Variants in ATP9B observed in about 807,000 individuals in gnomAD.
ATP9B encodes the protein probable phospholipid-transporting ATPase IIB.
Under a neutral mutation model 146.1 loss-of-function variants are expected in ATP9B, and 110 were observed. The ratio of observed to expected loss-of-function variants is 0.75; its 90% confidence interval spans 0.65 to 0.88. The LOEUF is 0.88. Ranked by LOEUF, ATP9B falls within the 40% of genes least tolerant of loss-of-function variation. The probability of loss-of-function intolerance (pLI) is 0.00; values close to 1 mark genes in which losing one functional copy is unlikely to be tolerated. For missense variants in ATP9B, 1,499 were observed against 1,496.4 expected (o/e 1.00, Z -0.03); for synonymous variants, 604 against 569.7 (o/e 1.06, Z -0.86).
chr18:79,292,332 T>C (rs1177684812), intron 13 of ATP9B, among the ~76,000 whole-genome samples: 1 of 152,136 alleles, frequency 6.6e-6, no homozygotes, highest in Non-Finnish European at 1.5e-5. Context: ...AGCCCTCTAT[T>C]AATTAAAGGG....
intron 1 of ATP9B, chr18:79,087,352 A>G (rs2073933121): frequency 6.6e-6 from 1 of 152,176 alleles, no homozygotes; most frequent in Admixed American, 6.5e-5. Context: ...CCGTAGCACC[A>G]TTTGTCTCCT....
intron 23 of ATP9B, among the ~76,000 whole-genome samples, chr18:79,346,690 A>G (rs1311556956): frequency 6.7e-6 from 1 of 149,982 alleles, no homozygotes; most frequent in African/African-American, 2.5e-5. Flanking sequence ...CTCGGCACAC[A>G]CTCGGTCAGC....
chr18:79,162,912 C>T (rs997396327), intron 7 of ATP9B, among the ~76,000 whole-genome samples: 7 of 152,188 alleles, frequency 4.6e-5, no homozygotes, highest in Non-Finnish European at 1.0e-4. Flanking sequence ...CTTCAGCACA[C>T]TTGATGCACC....
chr18:79,228,972 A>G (rs2095762937), intron 11 of ATP9B, among the ~76,000 whole-genome samples: 1 of 152,186 alleles, frequency 6.6e-6, no homozygotes, highest in Non-Finnish European at 1.5e-5. Context: ...TTGAGGCTGC[A>G]GTGAGCTGAG....
chr18:79,266,843 CATT>C (rs775326073), intron 12 of ATP9B, among the ~76,000 whole-genome samples: 26 of 152,074 alleles, frequency 1.7e-4, no homozygotes, highest in South Asian at 4.2e-4. Context: ...TATTAGATTC[CATT>C]TACTTGTATT....
chr18:79,200,795 GTT>G (rs1224897997), intron 9 of ATP9B, among the ~76,000 whole-genome samples: 4 of 478 alleles, frequency 8.4e-3, no homozygotes, highest in Admixed American at 0.028. Context: ...TGGTGGAATT[GTT>G]TTCATCAGAA....
chr18:79,344,977 G>A (rs1222854350), intron 21 of ATP9B, among the ~76,000 whole-genome samples: 2 of 152,196 alleles, frequency 1.3e-5, no homozygotes, highest in Non-Finnish European at 2.9e-5. Flanking sequence ...TTTTGCACAG[G>A]CTCCTGGGCT....
intron 10 of ATP9B, among the ~76,000 whole-genome samples, chr18:79,210,906 T>C (rs1249147609): frequency 6.6e-6 from 1 of 152,240 alleles, no homozygotes; most frequent in African/African-American, 2.4e-5. Context: ...ACATATTTAC[T>C]TTTAGTAAGC....
intron 19 of ATP9B, among the ~76,000 whole-genome samples, chr18:79,338,812 C>CCT (rs2096841243): frequency 6.6e-6 from 1 of 152,176 alleles, no homozygotes; most frequent in South Asian, 2.1e-4. Context: ...GCCTCAAGGA[C>CCT]CTGGGACTCA....
intron 17 of ATP9B, among the ~76,000 whole-genome samples, chr18:79,331,221 C>T (rs1344907090): frequency 2.0e-5 from 3 of 152,240 alleles, no homozygotes; most frequent in Non-Finnish European, 1.5e-5. Flanking sequence ...ATGGTCTGTC[C>T]GTGCAGCCTC....
At chr18:79,155,122 A>G (rs1337151012) in intron 7 of ATP9B, among the ~76,000 whole-genome samples, 1 of 152,230 alleles carries the variant, frequency 6.6e-6, no homozygotes, top group African/African-American at 2.4e-5. Flanking sequence ...TATTATTAAT[A>G]TGTACCAGGC....
Position 79,083,962 on chromosome 18 carries a change from G to A in ATP9B, c.120-12514G>A, listed in dbSNP as rs114777855. Reference sequence around the variant, plus strand: ...ACTGCAGCCTCTCCTGGCTTCAAGCGACTCCCCTACCTTAGCCTCCCAAGT... The same window carrying A: ...ACTGCAGCCTCTCCTGGCTTCAAGCAACTCCCCTACCTTAGCCTCCCAAGT... On this transcript the variant is annotated intron_variant, in intron 1 of 29. Transcript: ENST00000426216. Among the ~76,000 whole-genome samples, 1,325 of 150,772 alleles carry A rather than the reference G, an allele frequency of 8.8e-3. 25 individuals carry two copies. The highest frequency in any genetic ancestry group is 0.03 in the African/African-American group (1,247 of 41,024).
chr18:79,195,900 A>C (rs2095413520), intron 9 of ATP9B, among the ~76,000 whole-genome samples: 1 of 152,238 alleles, frequency 6.6e-6, no homozygotes, highest in African/African-American at 2.4e-5. Flanking sequence ...AAACAAAATC[A>C]TGAAATGGTT....
intron 6 of ATP9B, among the ~76,000 whole-genome samples, chr18:79,154,180 C>G (rs1249778964): frequency 2.0e-5 from 3 of 151,394 alleles, no homozygotes; most frequent in Non-Finnish European, 4.4e-5. Flanking sequence ...CCAGAATGGT[C>G]TCGATCTCAT....
At chr18:79,202,890 C>G (rs976503754) in intron 9 of ATP9B, among the ~76,000 whole-genome samples, 2 of 152,096 alleles carry the variant, frequency 1.3e-5, no homozygotes, top group Non-Finnish European at 2.9e-5. Flanking sequence ...TATATAGAAC[C>G]TTTTGTTTAC....
intron 7 of ATP9B, among the ~76,000 whole-genome samples, chr18:79,167,469 G>C (rs901449234): frequency 6.6e-6 from 1 of 152,202 alleles, no homozygotes; most frequent in Non-Finnish European, 1.5e-5. Context: ...TCTGTTGAGT[G>C]TGCAGCCCTC....
At chr18:79,288,678 G>C (rs2096469197) in intron 13 of ATP9B, among the ~76,000 whole-genome samples, 1 of 152,154 alleles carries the variant, frequency 6.6e-6, no homozygotes, top group African/African-American at 2.4e-5. Flanking sequence ...TGGTTATTTT[G>C]CTCGTTAGTT....
At chr18:79,221,034 A>G (rs879462180) in intron 11 of ATP9B, among the ~76,000 whole-genome samples, 1 of 152,236 alleles carries the variant, frequency 6.6e-6, no homozygotes, top group Non-Finnish European at 1.5e-5. Flanking sequence ...AATCATCCAC[A>G]TAATCCCTGC....
At chr18:79,331,576 T>C (rs1038054967) in intron 17 of ATP9B, among the ~76,000 whole-genome samples, 1 of 152,176 alleles carries the variant, frequency 6.6e-6, no homozygotes, top group African/African-American at 2.4e-5. Flanking sequence ...TTTGTTGTGG[T>C]ACTACTATAT....
Sources: gnomAD v4.1 joint callset for allele counts (sites outside exome capture counted in the v4.1 genomes callset) on GRCh38, gnomAD v4.1.1 for gene constraint, MANE v1.5 for transcripts, NCBI Gene and HGNC (gene_info 2026-07-23, HGNC 2026-07-21) for gene names.